CCDC102B: variants seen among roughly 807,000 people sequenced by gnomAD.
The protein encoded by CCDC102B is coiled-coil domain containing 102B.
Under a neutral mutation model 57.4 loss-of-function variants are expected in CCDC102B, and 75 were observed. That is an observed-to-expected ratio of 1.31 (90% CI 1.08 to 1.58). The LOEUF is 1.58. Ranked by LOEUF, CCDC102B falls within the 40% of genes most tolerant of loss-of-function variation. The pLI, the probability that CCDC102B is intolerant of heterozygous loss-of-function variation, is 0.00. For missense variants in CCDC102B, 636 were observed against 582.6 expected, an observed-to-expected ratio of 1.09 and a Z score of -0.94; for synonymous variants, 206 against 201.9, an observed-to-expected ratio of 1.02 and a Z score of -0.17.
At chr18:68,961,722 A>G (rs1452884643) in intron 6 of CCDC102B, among the ~76,000 whole-genome samples, 1 of 152,060 alleles carries the variant, frequency 6.6e-6, no homozygotes, top group Non-Finnish European at 1.5e-5. Context: ...AGCTCTTAAA[A>G]ATATTGAATA....
chr18:68,833,173 C>A (rs8092550), intron 1 of CCDC102B, among the ~76,000 whole-genome samples: 5 of 152,082 alleles, frequency 3.3e-5, no homozygotes, highest in Non-Finnish European at 5.9e-5. Context: ...TTCAAATTTC[C>A]TCAGTTTCCA....
At chr18:68,746,844 A>G (rs1378409562) in intron 2 of CCDC102B, among the ~76,000 whole-genome samples, 1 of 152,074 alleles carries the variant, frequency 6.6e-6, no homozygotes, top group African/African-American at 2.4e-5. Flanking sequence ...TCCCATAAAT[A>G]TCATTACCAC....
chr18:68,823,627 T>C (rs941432442), intron 1 of CCDC102B, among the ~76,000 whole-genome samples: 1 of 152,148 alleles, frequency 6.6e-6, no homozygotes, highest in Admixed American at 6.6e-5. Context: ...TTAACAAATC[T>C]CCGAATTGCT....
At chr18:68,873,681 C>T (rs2039321915) in intron 4 of CCDC102B, among the ~76,000 whole-genome samples, 1 of 151,954 alleles carries the variant, frequency 6.6e-6, no homozygotes, top group Non-Finnish European at 1.5e-5. Flanking sequence ...CTAGTACATG[C>T]TTAATATTAC....
At chr18:69,009,050 A>C (rs637804) in intron 6 of CCDC102B, among the ~76,000 whole-genome samples, 148,574 of 152,204 alleles carry the variant, frequency 0.98, 72,603 homozygotes, top group East Asian at 1. Flanking sequence ...CACAGCTATG[A>C]GTATATCTGT....
Position 68,836,795 on chromosome 18 carries a change from A to C in CCDC102B, c.32A>C (p.Glu11Ala). Residue 11 changes from glutamate to alanine, a missense_variant, in exon 2 of 8, where the codon GAG becomes GCG. By Grantham distance (107) the Glu-to-Ala change is moderately radical. Coordinates refer to ENST00000360242, the MANE Select transcript of CCDC102B (RefSeq NM_024781.3). MNLDSIHRLI[E>A]ETQIFQMQQS... ...TTAGATTCCATACATCGATTAATTGAGGAAACACAGATCTTCCAGATGCAA... is the reference window on the plus strand; with the variant it reads ...TTAGATTCCATACATCGATTAATTGCGGAAACACAGATCTTCCAGATGCAA... 6.2e-7 allele frequency: 1 copy of C among 1,613,632 alleles called. No individual in the cohort carries two copies. Among genetic ancestry groups the C allele is most frequent in the Non-Finnish European group, 8.5e-7 (1 of 1,179,748 alleles).
At chr18:68,978,810 G>A (rs2050503470) in intron 6 of CCDC102B, among the ~76,000 whole-genome samples, 1 of 151,932 alleles carries the variant, frequency 6.6e-6, no homozygotes, top group Non-Finnish European at 1.5e-5. Flanking sequence ...TTCCATAGTA[G>A]CCCCAAACTT....
intron 6 of CCDC102B, among the ~76,000 whole-genome samples, chr18:68,910,883 T>C (rs1228800432): frequency 7.0e-6 from 1 of 143,580 alleles, no homozygotes; most frequent in Non-Finnish European, 1.5e-5. Flanking sequence ...AGATGAAAAA[T>C]GAAAAATTAG....
chr18:69,024,187 T>G (rs1367223551), intron 7 of CCDC102B, among the ~76,000 whole-genome samples: 1 of 152,100 alleles, frequency 6.6e-6, no homozygotes, highest in Non-Finnish European at 1.5e-5. Flanking sequence ...AAAAATGAAA[T>G]TACATTACTA....
chr18:68,785,058 A>G (rs901387390), intron 2 of CCDC102B, among the ~76,000 whole-genome samples: 7 of 142,478 alleles, frequency 4.9e-5, no homozygotes, highest in South Asian at 2.2e-4. Context: ...ATTCCCACCT[A>G]TGAGTGAGAA....
chr18:68,994,521 C>T (rs959316915), intron 6 of CCDC102B, among the ~76,000 whole-genome samples: 2 of 151,966 alleles, frequency 1.3e-5, no homozygotes, highest in Non-Finnish European at 2.9e-5. Flanking sequence ...CCTGCCACCC[C>T]CTCCTCCCCC....
intron 2 of CCDC102B, among the ~76,000 whole-genome samples, chr18:68,790,224 T>G (rs916072871): frequency 2.6e-5 from 4 of 151,724 alleles, no homozygotes; most frequent in Non-Finnish European, 5.9e-5. Flanking sequence ...GAACCACTGC[T>G]GTCTTCAAAG....
intron 1 of CCDC102B, among the ~76,000 whole-genome samples, chr18:68,825,310 C>T (rs2036865139): frequency 6.6e-6 from 1 of 152,078 alleles, no homozygotes; most frequent in South Asian, 2.1e-4. Context: ...TTGTATTTGG[C>T]ATTCAAAAAA....
At chr18:68,888,538 G>T (rs1267287408) in intron 5 of CCDC102B, among the ~76,000 whole-genome samples, 1 of 152,072 alleles carries the variant, frequency 6.6e-6, no homozygotes, top group East Asian at 1.9e-4. Context: ...CAGTACTCCT[G>T]GTTTCTATCC....
At chr18:68,814,637 C>A (rs1161971828) in intron 1 of CCDC102B, among the ~76,000 whole-genome samples, 1 of 151,982 alleles carries the variant, frequency 6.6e-6, no homozygotes, top group Non-Finnish European at 1.5e-5. Flanking sequence ...TTTCTAAAGA[C>A]AGAGCAATAA....
intron 2 of CCDC102B, among the ~76,000 whole-genome samples, chr18:68,763,371 C>G (rs548707436): frequency 6.6e-6 from 1 of 152,070 alleles, no homozygotes; most frequent in East Asian, 2.0e-4. Context: ...CATGGTTGCC[C>G]CTTTCTCTCT....
At chr18:68,820,952 A>C (rs1229378811) in intron 1 of CCDC102B, among the ~76,000 whole-genome samples, 1 of 152,206 alleles carries the variant, frequency 6.6e-6, no homozygotes, top group Non-Finnish European at 1.5e-5. Context: ...ATGATTATGA[A>C]GTCTTCCTTA....
At position 68,838,812 on chromosome 18, in the gene CCDC102B, A is replaced by G. The variant is rs1568279769; in HGVS notation, c.713A>G (p.Lys238Arg). 6.2e-7 allele frequency: 1 copy of G among 1,614,026 alleles called. No individual in the cohort carries two copies. The change falls in exon 3 of 8, where the codon AAA (lysine) becomes AGA (arginine). Residue 238 changes from lysine to arginine, a missense_variant. Coordinates refer to ENST00000360242, the MANE Select transcript of CCDC102B (RefSeq NM_024781.3). Reference sequence around the variant, plus strand: ...GGTGGTTCTGGAAACGGTGAAACGAAAACTGGGCTGAGACTGAAAGCAATA... The same window carrying G: ...GGTGGTTCTGGAAACGGTGAAACGAGAACTGGGCTGAGACTGAAAGCAATA... ...NNGGSGNGET[K>R]TGLRLKAINL...
At chr18:68,849,098 G>T (rs906860699) in intron 4 of CCDC102B, among the ~76,000 whole-genome samples, 2 of 151,734 alleles carry the variant, frequency 1.3e-5, no homozygotes, top group Non-Finnish European at 2.9e-5. Flanking sequence ...GCATTGTTGG[G>T]CCCCTTTATG....
Sources: allele counts gnomAD v4.1 joint callset (sites outside exome capture counted in the v4.1 genomes callset), GRCh38; gene constraint gnomAD v4.1.1; transcripts MANE v1.5; gene names NCBI Gene and HGNC (gene_info 2026-07-23, HGNC 2026-07-21).